Variants in PDE4A observed in about 807,000 individuals in gnomAD.
The protein encoded by PDE4A is phosphodiesterase 4A.
PDE4A carries 21 observed loss-of-function variants against 73.9 expected under a neutral mutation model. The ratio of observed to expected loss-of-function variants is 0.28; its 90% confidence interval spans 0.20 to 0.41. The LOEUF is 0.41. Ranked by LOEUF, PDE4A falls within the 10% of genes least tolerant of loss-of-function variation. The pLI is 1.00. For missense variants in PDE4A, 958 were observed against 1,211.4 expected (o/e 0.79, Z 3.10); for synonymous variants, 463 against 505.4 (o/e 0.92, Z 1.13).
intron 14 of PDE4A, chr19:10,464,548 C>T (rs2043331580): frequency 2.3e-6 from 1 of 428,530 alleles, no homozygotes; most frequent in Non-Finnish European, 4.6e-6. Flanking sequence ...TCCAGAGTAG[C>T]TGAGAATACA....
intron 2 of PDE4A, among the ~76,000 whole-genome samples, chr19:10,447,905 A>G (rs1274655589): frequency 6.7e-6 from 1 of 149,336 alleles, no homozygotes; most frequent in Non-Finnish European, 1.5e-5. Context: ...ACACACCTCA[A>G]CCCACTTGGT....
At chr19:10,437,056 A>G (rs1045968533) in intron 1 of PDE4A, among the ~76,000 whole-genome samples, 1 of 152,108 alleles carries the variant, frequency 6.6e-6, no homozygotes, top group African/African-American at 2.4e-5. Flanking sequence ...ATAAATAAAT[A>G]AATAAATGGA....
intron 7 of PDE4A, among the ~76,000 whole-genome samples, chr19:10,457,571 G>C (rs1265034633): frequency 6.6e-6 from 1 of 151,956 alleles, no homozygotes; most frequent in Non-Finnish European, 1.5e-5. Flanking sequence ...GGTGTTCGGG[G>C]TAGGCAGCGG....
intron 2 of PDE4A, among the ~76,000 whole-genome samples, chr19:10,448,237 C>T (rs2043040362): frequency 6.6e-6 from 1 of 151,690 alleles, no homozygotes; most frequent in African/African-American, 2.4e-5. Flanking sequence ...GTAGCTGAGA[C>T]TACAGGCGTG....
intron 6 of PDE4A, 22 bp downstream of exon 6, chr19:10,450,963 C>T (rs1195997773): frequency 6.4e-7 from 1 of 1,570,578 alleles, no homozygotes; most frequent in East Asian, 2.4e-5. Flanking sequence ...GTGGGCAGAA[C>T]CCCTGGGCGG....
rs771984675 is a variant in PDE4A at position 10,461,479 on chromosome 19, G to A, written c.1466-47G>A. The A allele has an allele frequency of 3.7e-6, 6 of 1,602,046 alleles. No homozygotes were observed. In the South Asian group the frequency reaches 6.7e-5, roughly 18 times the overall value. On this transcript the variant is annotated intron_variant, in intron 11 of 14. Coordinates refer to ENST00000380702, the MANE Select transcript of PDE4A (RefSeq NM_001111307.2). ...GGGCGGAGCTGGCCCTCCTGCGGTT[G>A]GAGCTGCACACGTGGGCCCTCCCCT...
intron 11 of PDE4A, 64 bp downstream of exon 11, chr19:10,461,167 C>A (rs1367163461): frequency 7.8e-6 from 12 of 1,547,602 alleles, no homozygotes; most frequent in African/African-American, 1.4e-5. Flanking sequence ...AGGCTGGGGG[C>A]GGAACTAACT....
At chr19:10,440,910 T>C (rs1209540593) in intron 1 of PDE4A, among the ~76,000 whole-genome samples, 1 of 151,368 alleles carries the variant, frequency 6.6e-6, no homozygotes, top group Non-Finnish European at 1.5e-5. Flanking sequence ...TTTTTTTTTT[T>C]TTTTTTTGGT....
intron 5 of PDE4A, 65 bp from the exon 6 acceptor site, chr19:10,450,763 GT>G: frequency 6.3e-7 from 1 of 1,578,492 alleles, no homozygotes. Context: ...CGTCACGGCG[GT>G]CTGGAGCCTC....
intron 14 of PDE4A, among the ~76,000 whole-genome samples, chr19:10,465,306 C>T (rs949188676): frequency 2.6e-5 from 4 of 151,606 alleles, no homozygotes; most frequent in Admixed American, 6.6e-5. Context: ...CTGCAACCTC[C>T]GCCTCTCGGG....
chr19:10,466,560 C>T (rs1006142989), intron 14 of PDE4A, among the ~76,000 whole-genome samples: 10 of 151,424 alleles, frequency 6.6e-5, no homozygotes, highest in African/African-American at 1.7e-4. Context: ...TGCAGTGGTG[C>T]GATCGCAGCT....
At chr19:10,422,923 G>A (rs2145444539) in intron 1 of PDE4A, among the ~76,000 whole-genome samples, 1 of 152,226 alleles carries the variant, frequency 6.6e-6, no homozygotes, top group South Asian at 2.1e-4. Context: ...TTCTTTGCAA[G>A]GCTCCAGGGA....
At chr19:10,454,287 C>A (rs1042598861) in intron 6 of PDE4A, among the ~76,000 whole-genome samples, 9 of 152,322 alleles carry the variant, frequency 5.9e-5, no homozygotes, top group Middle Eastern at 3.4e-3. Flanking sequence ...TTGGCTACCA[C>A]GTTCCCTTTT....
Position 10,461,968 on chromosome 19 carries a change from T to G in PDE4A, c.1712T>G (p.Leu571Arg). ...AAGAAAGTGACCAGCTCAGGGGTCC[T>G]CCTGCTAGATAACTACTCCGACCGC... Reference protein sequence around the residue: ...ETKKVTSSGVLLLDNYSDRIQ... With the variant: ...ETKKVTSSGVRLLDNYSDRIQ... The change falls in exon 13 of 15, where the codon CTC becomes CGC. Residue 571 changes from leucine (L) to arginine (R), a missense_variant. By Grantham distance (102) the Leu-to-Arg change is moderately radical. Around this residue, in one of 3 missense-constraint regions of PDE4A, gnomAD observed 570 missense variants for 827.7 expected, o/e 0.69. Transcript: ENST00000380702. 5 of 1,613,918 alleles carry G rather than the reference T, an allele frequency of 3.1e-6. No individual in the cohort carries two copies. Among genetic ancestry groups the G allele is most frequent in the Non-Finnish European group, 4.2e-6 (5 of 1,179,932 alleles).
At chr19:10,431,900 G>C (rs2042793301) in intron 1 of PDE4A, among the ~76,000 whole-genome samples, 1 of 152,028 alleles carries the variant, frequency 6.6e-6, no homozygotes, top group East Asian at 1.9e-4. Flanking sequence ...CTGCGTCTCT[G>C]TCTCCACTTC....
At chr19:10,445,351 C>G (rs904836423) in intron 1 of PDE4A, among the ~76,000 whole-genome samples, 3 of 152,262 alleles carry the variant, frequency 2.0e-5, no homozygotes, top group Admixed American at 6.5e-5. Flanking sequence ...GTGAATGATC[C>G]CATAAATTTT....
At position 10,455,338 on chromosome 19, in the gene PDE4A, C is replaced by A. The variant is rs2043153562; in HGVS notation, c.877+416C>A. Among the ~76,000 whole-genome samples, 5 of 152,086 alleles carry A rather than the reference C, an allele frequency of 3.3e-5. No homozygotes were observed. In the South Asian group the frequency reaches 1.0e-3, roughly 32 times the overall value. ...AATTAGCCAGGCATGGTGGTGGGTG[C>A]CTGTAATCCCAGCAACTCAGGAGGC... is the stretch of plus-strand genomic sequence containing the variant. On this transcript the variant is annotated intron_variant, in intron 7 of 14. Transcript: ENST00000380702.
chr19:10,451,068 T>C, intron 6 of PDE4A, 127 bp downstream of exon 6: 2 of 916,518 alleles, frequency 2.2e-6, no homozygotes, highest in South Asian at 1.6e-5. Context: ...GTTGTTCCTG[T>C]GGGCGGAGAT....
chr19:10,428,213 C>T (rs1198192306), intron 1 of PDE4A, among the ~76,000 whole-genome samples: 1 of 152,030 alleles, frequency 6.6e-6, no homozygotes, highest in Non-Finnish European at 1.5e-5. Flanking sequence ...ATTAGTCAGG[C>T]ATGGTGGCGC....
Sources: allele counts gnomAD v4.1 joint callset (sites outside exome capture counted in the v4.1 genomes callset), GRCh38; gene constraint gnomAD v4.1.1; regional missense constraint gnomAD v4.1.1; transcripts MANE v1.5; gene names NCBI Gene and HGNC (gene_info 2026-07-23, HGNC 2026-07-21).